The following GFRA1 variants were observed in gnomAD, a reference collection of about 807,000 sequenced individuals.
GFRA1 encodes GDNF family receptor alpha 1.
Under a neutral mutation model 51.6 loss-of-function variants are expected in GFRA1, and 16 were observed. The ratio of observed to expected loss-of-function variants is 0.31; its 90% confidence interval spans 0.21 to 0.47. GFRA1 has a LOEUF of 0.47. GFRA1 is among the 20% of genes least tolerant of loss of function. The pLI is 1.00. For synonymous variants in GFRA1, 270 were observed against 241.3 expected, an observed-to-expected ratio of 1.12 and a Z score of -1.10; for missense variants, 530 against 594.3, an observed-to-expected ratio of 0.89 and a Z score of 1.13.
intron 4 of GFRA1, among the ~76,000 whole-genome samples, chr10:116,220,469 ATC>A (rs1321582275): frequency 2.0e-5 from 3 of 152,188 alleles, no homozygotes; most frequent in Admixed American, 6.5e-5. Flanking sequence ...AGCAGAATAA[ATC>A]TCTCTCTTTA....
chr10:116,264,301 C>A (rs2093689574), intron 4 of GFRA1, among the ~76,000 whole-genome samples: 1 of 152,142 alleles, frequency 6.6e-6, no homozygotes, highest in Non-Finnish European at 1.5e-5. Flanking sequence ...CCAATCCCCT[C>A]CCCTCTCTGA....
Position 116,064,213 on chromosome 10 carries a change from T to C in GFRA1, c.*185A>G. The stretch of plus-strand genomic sequence containing the variant: ...TTTGGATGGAGCACTGCATCAGGTT[T>C]TTCACAGAAGCCCCAAAGGATCACA... On this transcript the variant is annotated 3_prime_UTR_variant, in exon 11 of 11. Transcript: ENST00000355422. The C allele has an allele frequency of 6.6e-6, 4 of 601,686 alleles. No homozygotes were observed. In the East Asian group the frequency reaches 1.1e-4, roughly 17 times the overall value. The allele number at this position is 601,686 out of a possible 1,614,324, so 37.3% of individuals were successfully genotyped here.
chr10:116,245,425 C>A (rs1452251601), intron 4 of GFRA1, among the ~76,000 whole-genome samples: 1 of 152,196 alleles, frequency 6.6e-6, no homozygotes, highest in African/African-American at 2.4e-5. Flanking sequence ...AAGCCTGACA[C>A]CACCAAATGC....
intron 6 of GFRA1, among the ~76,000 whole-genome samples, chr10:116,100,301 T>G (rs1188242087): frequency 6.6e-6 from 1 of 152,212 alleles, no homozygotes; most frequent in Admixed American, 6.5e-5. Flanking sequence ...CCTTATTAGG[T>G]GATACTTCCA....
At chr10:116,120,208 G>A (rs1054047761) in intron 6 of GFRA1, among the ~76,000 whole-genome samples, 5 of 152,292 alleles carry the variant, frequency 3.3e-5, no homozygotes, top group South Asian at 2.1e-4. Flanking sequence ...ACATAGAGCC[G>A]CTGACCAATT....
chr10:116,176,964 G>C (rs1310050953), intron 5 of GFRA1, among the ~76,000 whole-genome samples: 2 of 152,200 alleles, frequency 1.3e-5, no homozygotes, highest in Non-Finnish European at 1.5e-5. Flanking sequence ...CTTGAAGAAT[G>C]AACTGGCCTT....
chr10:116,069,149 C>T (rs1955253215), intron 9 of GFRA1, among the ~76,000 whole-genome samples: 1 of 152,108 alleles, frequency 6.6e-6, no homozygotes, highest in Non-Finnish European at 1.5e-5. Flanking sequence ...GACACCATGC[C>T]TTACAGTTTG....
intron 5 of GFRA1, among the ~76,000 whole-genome samples, chr10:116,192,858 A>G (rs1171371991): frequency 6.6e-6 from 1 of 152,194 alleles, no homozygotes; most frequent in East Asian, 1.9e-4. Context: ...GGCTGGGGAA[A>G]CAGAGGCAGT....
chr10:116,260,890 C>G (rs1178293740), intron 4 of GFRA1, among the ~76,000 whole-genome samples: 2 of 151,836 alleles, frequency 1.3e-5, no homozygotes, highest in Non-Finnish European at 2.9e-5. Flanking sequence ...ACAAAAAACT[C>G]TGAATGAAAG....
chr10:116,186,114 C>G (rs1962692269), intron 5 of GFRA1, among the ~76,000 whole-genome samples: 1 of 152,088 alleles, frequency 6.6e-6, no homozygotes, highest in South Asian at 2.1e-4. Flanking sequence ...TATAGCTTGC[C>G]CAGACCCTTA....
At chr10:116,218,793 G>C (rs1076972) in intron 4 of GFRA1, among the ~76,000 whole-genome samples, 28 of 151,930 alleles carry the variant, frequency 1.8e-4, no homozygotes, top group Non-Finnish European at 4.0e-4. Context: ...AATGACAACC[G>C]CTCTTTAATG....
At chr10:116,170,307 G>C (rs1470862140) in intron 5 of GFRA1, among the ~76,000 whole-genome samples, 1 of 152,212 alleles carries the variant, frequency 6.6e-6, no homozygotes, top group Non-Finnish European at 1.5e-5. Flanking sequence ...TCATTGAAAA[G>C]GAAGTGGGGC....
chr10:116,148,056 A>ATGCATGTGTGCATGCG (rs1958892772), intron 5 of GFRA1, among the ~76,000 whole-genome samples: 1 of 136,536 alleles, frequency 7.3e-6, no homozygotes, highest in East Asian at 2.2e-4. Context: ...GTGTGCATGC[A>ATGCATGTGTGCATGCG]TGTGTGCATG....
intron 4 of GFRA1, among the ~76,000 whole-genome samples, chr10:116,230,228 T>C (rs927530400): frequency 6.6e-6 from 1 of 152,200 alleles, no homozygotes; most frequent in Non-Finnish European, 1.5e-5. Context: ...TACATCGTGA[T>C]GGTCTTAGTG....
chr10:116,201,068 C>G (rs1964294157), intron 5 of GFRA1, among the ~76,000 whole-genome samples: 1 of 152,122 alleles, frequency 6.6e-6, no homozygotes, highest in Admixed American at 6.5e-5. Context: ...CTTTCTAGAA[C>G]AAGTCTAAAC....
intron 7 of GFRA1, among the ~76,000 whole-genome samples, chr10:116,095,685 A>G (rs7080660): frequency 0.7 from 106,916 of 152,040 alleles, 41,007 homozygotes; most frequent in East Asian, 0.87. Flanking sequence ...TGATTTTCCC[A>G]AAGCCGCCTG....
chr10:116,244,772 T>TA (rs760794027), intron 4 of GFRA1, among the ~76,000 whole-genome samples: 18 of 151,880 alleles, frequency 1.2e-4, no homozygotes, highest in Admixed American at 3.9e-4. Flanking sequence ...GGAAGAGAAG[T>TA]AAAAGAATAG....
Position 116,090,726 on chromosome 10 carries a change from A to AG in GFRA1, c.1016-805dup, listed in dbSNP as rs1030649998. Among the ~76,000 whole-genome samples the AG allele has an allele frequency of 3.6e-4, 54 of 150,266 alleles. 1 individual carries two copies. Among genetic ancestry groups the AG allele is most frequent in the African/African-American group, 1.3e-3 (52 of 39,660 alleles). ...GTCTTCGGGGATTTGGCCTGGATTT[A>AG]GGGTTTTTTTTTATTTCATATTCAT... On this transcript the variant is annotated intron_variant, in intron 8 of 10. Coordinates refer to ENST00000355422, the MANE Select transcript of GFRA1 (RefSeq NM_005264.8).
chr10:116,186,476 G>C (rs1962727757), intron 5 of GFRA1, among the ~76,000 whole-genome samples: 1 of 151,546 alleles, frequency 6.6e-6, no homozygotes, highest in Non-Finnish European at 1.5e-5. Flanking sequence ...GCATGGAGCA[G>C]GCACAACTGA....
Sources: gnomAD v4.1 joint callset for allele counts (sites outside exome capture counted in the v4.1 genomes callset) on GRCh38, gnomAD v4.1.1 for gene constraint, MANE v1.5 for transcripts, NCBI Gene and HGNC (gene_info 2026-07-23, HGNC 2026-07-21) for gene names.